MTRR: variants seen among roughly 807,000 people sequenced by gnomAD.
MTRR encodes the protein 5-methyltetrahydrofolate-homocysteine methyltransferase reductase, also known as methionine synthase reductase.
MTRR carries 63 observed loss-of-function variants against 79.2 expected under a neutral mutation model. The observed-to-expected ratio is 0.80, with a 90% CI of 0.65 to 0.98. The LOEUF (loss-of-function observed/expected upper bound fraction) is 0.98. Among genes scored for constraint, MTRR ranks in the 50% least tolerant of loss-of-function variants. The pLI, the probability that MTRR is intolerant of heterozygous loss-of-function variation, is 0.00. For missense variants in MTRR, 895 were observed against 839.6 expected (o/e 1.07, Z -0.82); for synonymous variants, 355 against 313.3 (o/e 1.13, Z -1.41).
At chr5:7,895,484 C>T (rs933980679) in intron 11 of MTRR, among the ~76,000 whole-genome samples, 1 of 152,160 alleles carries the variant, frequency 6.6e-6, no homozygotes, top group African/African-American at 2.4e-5. Flanking sequence ...TAGAGTTCTA[C>T]CTCAAAGACA....
chr5:7,850,994 C>G (rs1196074466), upstream of MTRR: 2 of 1,287,164 alleles, frequency 1.6e-6, no homozygotes, highest in Non-Finnish European at 2.0e-6. Flanking sequence ...AGCGTGGACG[C>G]GGTGGTCTCC....
chr5:7,888,854 T>C (rs1035871163), intron 8 of MTRR, among the ~76,000 whole-genome samples: 3 of 152,270 alleles, frequency 2.0e-5, no homozygotes, highest in African/African-American at 4.8e-5. Context: ...ATTTAGACTT[T>C]GAGAATTGAG....
At chr5:7,855,444 A>G (rs1746213848) in intron 1 of MTRR, among the ~76,000 whole-genome samples, 1 of 151,936 alleles carries the variant, frequency 6.6e-6, no homozygotes, top group Non-Finnish European at 1.5e-5. Flanking sequence ...AAAAAGTTAA[A>G]GAATAGATGA....
In MTRR at chr5:7,897,057, T is replaced by C. The variant is rs1371179995; in HGVS notation, c.1770-8T>C. On this transcript the variant is annotated splice_polypyrimidine_tract_variant and splice_region_variant and intron_variant, in intron 13 of 14. Transcript: ENST00000440940. ...CCTTTTAGTGATCCATTATATATTA[T>C]ATTTCAGAAAAGAGCTCAGACATTT... is the stretch of plus-strand genomic sequence containing the variant. The C allele has an allele frequency of 6.2e-7, 1 of 1,613,824 alleles. No individual in the cohort carries two copies. The highest frequency in any genetic ancestry group is 8.5e-7 in the Non-Finnish European group (1 of 1,179,732).
intron 1 of MTRR, among the ~76,000 whole-genome samples, chr5:7,860,700 C>T (rs2126590362): frequency 6.6e-6 from 1 of 152,298 alleles, no homozygotes; most frequent in South Asian, 2.1e-4. Flanking sequence ...CCTGAAAAAT[C>T]CCTGAGCAGA....
At chr5:7,868,495 T>C (rs1289815875), upstream of MTRR, among the ~76,000 whole-genome samples, 3 of 152,054 alleles carry the variant, frequency 2.0e-5, no homozygotes, top group Non-Finnish European at 4.4e-5. Context: ...CCCTTAAATG[T>C]TGGTTGAAGG....
intron 2 of MTRR, chr5:7,863,009 T>G: frequency 6.2e-7 from 1 of 1,607,392 alleles, no homozygotes; most frequent in South Asian, 1.1e-5. Flanking sequence ...TAAAAAATCA[T>G]AAGTGCAAAT....
At chr5:7,876,896 C>T (rs2126684930) in intron 4 of MTRR, among the ~76,000 whole-genome samples, 1 of 152,322 alleles carries the variant, frequency 6.6e-6, no homozygotes, top group South Asian at 2.1e-4. Context: ...TGCACACTAT[C>T]ACCTTAATAT....
At chr5:7,854,375 T>C (rs1746165465) in intron 1 of MTRR, among the ~76,000 whole-genome samples, 1 of 151,694 alleles carries the variant, frequency 6.6e-6, no homozygotes, top group Admixed American at 6.6e-5. Flanking sequence ...TATTTTTTTA[T>C]ATGGGAGTTT....
chr5:7,869,327 C>G, intron 1 of MTRR, 112 bp downstream of exon 1: 1 of 1,326,770 alleles, frequency 7.5e-7, no homozygotes, highest in Admixed American at 1.9e-5. Flanking sequence ...CCCGTGGTTC[C>G]CACGCCCTTC....
intron 1 of MTRR, among the ~76,000 whole-genome samples, chr5:7,857,646 G>T (rs539379353): frequency 6.6e-6 from 1 of 152,306 alleles, no homozygotes; most frequent in Non-Finnish European, 1.5e-5. Context: ...AGCCTTGACT[G>T]TGTGTCAGGG....
In MTRR at chr5:7,886,610, A is replaced by C. The variant is rs2126751043; in HGVS notation, c.1058-5A>C. On this transcript the variant is annotated splice_polypyrimidine_tract_variant and splice_region_variant and intron_variant, in intron 7 of 14. Transcript: ENST00000440940. ...TGAACCCCTTTCCCGTCTTTACCTG[A>C]AAAGGAGCTACCTTACCCCAGCATA... 6.2e-7 allele frequency: 1 copy of C among 1,608,170 alleles called. No homozygotes were observed. The highest frequency in any genetic ancestry group is 2.2e-5 in the East Asian group (1 of 44,838).
chr5:7,878,445 C>G, intron 5 of MTRR, 123 bp downstream of exon 5: 1 of 1,254,922 alleles, frequency 8.0e-7, no homozygotes, highest in Non-Finnish European at 1.1e-6. Flanking sequence ...CCAATGTGGC[C>G]CAGAGCCTTT....
At position 7,875,252 on chromosome 5, in the gene MTRR, C is replaced by T; in HGVS notation, c.284-6C>T. The T allele has an allele frequency of 1.9e-6, 3 of 1,584,688 alleles. No homozygotes were observed. In the South Asian group the frequency reaches 3.3e-5, roughly 18 times the overall value. ...TGTGCATTAATTATGTATTTGGGTT[C>T]TCTAGGTCTCGGTGATTCAGAATAC... On this transcript the variant is annotated splice_polypyrimidine_tract_variant and splice_region_variant and intron_variant, in intron 3 of 14. Transcript: ENST00000440940.
upstream of MTRR, chr5:7,868,113 T>C (rs1747169664): frequency 7.0e-7 from 1 of 1,428,106 alleles, no homozygotes; most frequent in South Asian, 1.4e-5. Flanking sequence ...GATAACTAAA[T>C]TAAAAAATTT....
intron 3 of MTRR, 85 bp from the exon 4 acceptor site, chr5:7,875,173 T>G: frequency 2.2e-6 from 2 of 914,024 alleles, no homozygotes; most frequent in Non-Finnish European, 3.7e-6. Flanking sequence ...TGAAATAGTA[T>G]TATTTTAGAT....
intron 9 of MTRR, among the ~76,000 whole-genome samples, chr5:7,889,664 T>C (rs188298247): frequency 2.6e-5 from 4 of 152,356 alleles, no homozygotes; most frequent in Admixed American, 2.0e-4. Context: ...ATGAGCTTCC[T>C]ATAAAATTTT....
upstream of MTRR, chr5:7,866,667 G>A: frequency 1.3e-6 from 2 of 1,592,440 alleles, no homozygotes; most frequent in African/African-American, 1.4e-5. Flanking sequence ...TGAAGGAAAA[G>A]AGGCTTGAAT....
intron 8 of MTRR, among the ~76,000 whole-genome samples, chr5:7,887,173 A>G (rs1010327657): frequency 1.3e-5 from 2 of 152,196 alleles, no homozygotes; most frequent in Non-Finnish European, 2.9e-5. Flanking sequence ...GTAATACTAC[A>G]TAACTATTTA....
Sources: allele counts gnomAD v4.1 joint callset (sites outside exome capture counted in the v4.1 genomes callset), GRCh38; gene constraint gnomAD v4.1.1; transcripts MANE v1.5; gene names NCBI Gene and HGNC (gene_info 2026-07-23, HGNC 2026-07-21).